The following NAALADL2 variants were observed in gnomAD, a reference collection of about 807,000 sequenced individuals.
The protein encoded by NAALADL2 is N-acetylated alpha-linked acidic dipeptidase like 2, also known as inactive N-acetylated-alpha-linked acidic dipeptidase-like protein 2.
In NAALADL2, 76 loss-of-function variants were observed where a neutral mutation model predicts 87.2. The ratio of observed to expected loss-of-function variants is 0.87; its 90% confidence interval spans 0.72 to 1.05. The LOEUF is 1.05. Ranked by LOEUF, NAALADL2 falls within the 50% of genes least tolerant of loss-of-function variation. The probability of loss-of-function intolerance (pLI) is 0.00; values close to 1 mark genes in which losing one functional copy is unlikely to be tolerated. For synonymous variants in NAALADL2, 354 were observed against 331.0 expected, an observed-to-expected ratio of 1.07 and a Z score of -0.75; for missense variants, 1,089 against 945.8, an observed-to-expected ratio of 1.15 and a Z score of -1.99.
intron 9 of NAALADL2, among the ~76,000 whole-genome samples, chr3:175,511,445 CA>C (rs1476864509): frequency 6.6e-6 from 1 of 152,118 alleles, no homozygotes; most frequent in East Asian, 1.9e-4. Context: ...GATGCACATG[CA>C]CAAAGGAAGG....
chr3:175,493,795 A>G (rs1728434916), intron 9 of NAALADL2, among the ~76,000 whole-genome samples: 1 of 152,100 alleles, frequency 6.6e-6, no homozygotes, highest in Non-Finnish European at 1.5e-5. Context: ...TTCTTTTTGG[A>G]TGCCTTATTA....
intron 3 of NAALADL2, among the ~76,000 whole-genome samples, chr3:174,846,731 T>C (rs1158932815): frequency 6.6e-6 from 1 of 152,164 alleles, no homozygotes; most frequent in Non-Finnish European, 1.5e-5. Flanking sequence ...ATGAGTTAAA[T>C]GTTAATGAAG....
intron 1 of NAALADL2, among the ~76,000 whole-genome samples, chr3:174,913,882 T>C (rs2108314261): frequency 6.6e-6 from 1 of 152,148 alleles, no homozygotes; most frequent in African/African-American, 2.4e-5. Context: ...AAAATGTTAG[T>C]CTTATCTAAT....
rs538711655 is a variant in NAALADL2, at chr3:174,752,006, C to G, written c.-9+14260C>G. On this transcript the variant is annotated intron_variant, in intron 3 of 3. Transcript: ENST00000434257. ...TCTTTTTATTTTTTTTAGACACAGT[C>G]TCGCTCTGTTGCCCAGGCTGGAGTG... is the stretch of plus-strand genomic sequence containing the variant. Among the ~76,000 whole-genome samples, 6 of 152,016 alleles carry G rather than the reference C, an allele frequency of 3.9e-5. No homozygotes were observed. In the South Asian group the frequency reaches 1.3e-3, roughly 32 times the overall value.
intron 2 of NAALADL2, among the ~76,000 whole-genome samples, chr3:174,616,260 T>C (rs1035582769): frequency 1.3e-5 from 2 of 151,932 alleles, no homozygotes; most frequent in Non-Finnish European, 1.5e-5. Context: ...TTATGGCATT[T>C]ATCCAAATAC....
chr3:174,982,150 T>G (rs1186850358), intron 1 of NAALADL2, among the ~76,000 whole-genome samples: 1 of 152,100 alleles, frequency 6.6e-6, no homozygotes, highest in Non-Finnish European at 1.5e-5. Context: ...ATCAGTTCCA[T>G]GGGGGACAAA....
intron 9 of NAALADL2, among the ~76,000 whole-genome samples, chr3:175,521,712 T>G (rs1732687058): frequency 6.6e-6 from 1 of 152,116 alleles, no homozygotes; most frequent in Admixed American, 6.5e-5. Flanking sequence ...ATTAGAGTGA[T>G]GCTTCTACAA....
At chr3:174,903,521 T>TA (rs1732551259) in intron 1 of NAALADL2, among the ~76,000 whole-genome samples, 1 of 152,068 alleles carries the variant, frequency 6.6e-6, no homozygotes, top group Non-Finnish European at 1.5e-5. Flanking sequence ...TGAGTCATTC[T>TA]AAAGGTTTTG....
At chr3:174,972,023 A>G (rs1743750083) in intron 1 of NAALADL2, among the ~76,000 whole-genome samples, 1 of 151,988 alleles carries the variant, frequency 6.6e-6, no homozygotes, top group South Asian at 2.1e-4. Flanking sequence ...TACATAACAT[A>G]CTAAATTTGA....
At chr3:175,701,820 G>A (rs1372117046) in intron 11 of NAALADL2, among the ~76,000 whole-genome samples, 2 of 152,102 alleles carry the variant, frequency 1.3e-5, no homozygotes, top group African/African-American at 4.8e-5. Context: ...TATTGTAATT[G>A]AATTAACTTC....
At chr3:174,747,612 AC>A (rs1734384033) in intron 3 of NAALADL2, among the ~76,000 whole-genome samples, 1 of 91,798 alleles carries the variant, frequency 1.1e-5, no homozygotes. Context: ...ACAGAGTAAG[AC>A]CCCATCTCAA....
chr3:175,151,886 A>C (rs1174977798), intron 2 of NAALADL2, among the ~76,000 whole-genome samples: 6 of 152,226 alleles, frequency 3.9e-5, no homozygotes, highest in African/African-American at 1.4e-4. Context: ...TTCTAGATAC[A>C]TCATCAGTGA....
At chr3:175,282,404 T>C (rs930945686) in intron 4 of NAALADL2, among the ~76,000 whole-genome samples, 6 of 152,048 alleles carry the variant, frequency 3.9e-5, no homozygotes, top group African/African-American at 1.4e-4. Context: ...CACTGGAAAA[T>C]CCTGTGACAT....
intron 1 of NAALADL2, among the ~76,000 whole-genome samples, chr3:174,897,704 T>C (rs752098436): frequency 3.8e-4 from 58 of 152,148 alleles, no homozygotes; most frequent in Non-Finnish European, 6.8e-4. Context: ...GTATGAAAGA[T>C]ATATCTGCAC....
Position 174,615,049 on chromosome 3 carries a change from T to C in NAALADL2, c.-115+64412T>C, listed in dbSNP as rs1056006849. Among the ~76,000 whole-genome samples, 6 of 152,208 alleles carry C rather than the reference T, an allele frequency of 3.9e-5. No individual in the cohort carries two copies. The East Asian group carries it at 1.2e-3, about 29-fold the overall frequency. On this transcript the variant is annotated intron_variant, in intron 2 of 3. Transcript: ENST00000434257. ...TGCATTTACCTCACATAGGTGACTGTTTTTCTGCTGTAGGCCATTTTCTAG... is the reference window on the plus strand; with the variant it reads ...TGCATTTACCTCACATAGGTGACTGCTTTTCTGCTGTAGGCCATTTTCTAG...
chr3:175,242,920 G>A (rs1056316401), intron 3 of NAALADL2, among the ~76,000 whole-genome samples: 8 of 152,010 alleles, frequency 5.3e-5, no homozygotes, highest in Admixed American at 1.3e-4. Context: ...AATATCTACC[G>A]AATATTAGTG....
At chr3:175,482,927 A>T (rs760664182) in intron 9 of NAALADL2, among the ~76,000 whole-genome samples, 6 of 151,890 alleles carry the variant, frequency 4.0e-5, no homozygotes, top group Non-Finnish European at 5.9e-5. Context: ...TAAGTGTCCT[A>T]TCTGCTCATT....
At chr3:175,651,631 C>T (rs1730780665) in intron 11 of NAALADL2, among the ~76,000 whole-genome samples, 1 of 152,152 alleles carries the variant, frequency 6.6e-6, no homozygotes, top group Admixed American at 6.5e-5. Flanking sequence ...CACCACAACC[C>T]ACTAGATATT....
Position 174,963,522 on chromosome 3 carries a change from C to G in NAALADL2, c.43+104072C>G, listed in dbSNP as rs533914143. 2.0e-5 allele frequency among the ~76,000 whole-genome samples: 3 copies of G among 152,230 alleles called. No individual in the cohort carries two copies. The South Asian group carries it at 6.2e-4, about 32-fold the overall frequency. ...AGTAACTAGACTATTTTTAGAAATA[C>G]TGTGACTCTGCGGAATATCCCCAGA... On this transcript the variant is annotated intron_variant, in intron 1 of 13. Coordinates refer to ENST00000454872, the MANE Select transcript of NAALADL2 (RefSeq NM_207015.3).
Sources: gnomAD v4.1 joint callset for allele counts (sites outside exome capture counted in the v4.1 genomes callset) on GRCh38, gnomAD v4.1.1 for gene constraint, MANE v1.5 for transcripts, NCBI Gene and HGNC (gene_info 2026-07-23, HGNC 2026-07-21) for gene names.